Variants in SOX6 observed in about 807,000 individuals in gnomAD.
The protein encoded by SOX6 is transcription factor SOX-6.
A neutral mutation model predicts 97.8 loss-of-function variants in SOX6; 11 were observed. That is an observed-to-expected ratio of 0.11 (90% CI 0.07 to 0.19). SOX6 has a LOEUF of 0.19. Among genes scored for constraint, SOX6 ranks in the 10% least tolerant of loss-of-function variants. SOX6 has a pLI of 1.00. For missense variants in SOX6, 810 were observed against 1,039.5 expected (o/e 0.78, Z 3.04); for synonymous variants, 360 against 371.4 (o/e 0.97, Z 0.35).
intron 6 of SOX6, among the ~76,000 whole-genome samples, chr11:16,177,268 C>T (rs1257877031): frequency 6.6e-6 from 1 of 151,864 alleles, no homozygotes; most frequent in African/African-American, 2.4e-5. Flanking sequence ...ATCATGATGA[C>T]GTTTTCGAGT....
intron 6 of SOX6, among the ~76,000 whole-genome samples, chr11:16,131,607 T>C (rs1162424982): frequency 2.0e-5 from 3 of 151,714 alleles, no homozygotes; most frequent in Non-Finnish European, 4.4e-5. Flanking sequence ...ACAAGAAAAA[T>C]GAAAACATAT....
chr11:16,443,758 T>C (rs957468443), intron 1 of SOX6, among the ~76,000 whole-genome samples: 1 of 152,100 alleles, frequency 6.6e-6, no homozygotes, highest in Admixed American at 6.6e-5. Flanking sequence ...ATCATGCCTG[T>C]AATCCTAACA....
intron 4 of SOX6, among the ~76,000 whole-genome samples, chr11:16,513,951 C>G (rs1860920161): frequency 6.6e-6 from 1 of 151,882 alleles, no homozygotes; most frequent in Non-Finnish European, 1.5e-5. Context: ...GGGATTACAC[C>G]TGTAATCCCA....
intron 3 of SOX6, among the ~76,000 whole-genome samples, chr11:16,266,441 C>CA (rs998977435): frequency 1.3e-5 from 2 of 150,678 alleles, no homozygotes; most frequent in African/African-American, 2.4e-5. Flanking sequence ...ATCCATCAAG[C>CA]AAAAAAATTA....
intron 3 of SOX6, among the ~76,000 whole-genome samples, chr11:16,707,497 T>C (rs950381401): frequency 6.6e-6 from 1 of 152,174 alleles, no homozygotes; most frequent in African/African-American, 2.4e-5. Flanking sequence ...AATTGTACCT[T>C]AGTTTCTTAT....
chr11:16,490,638 G>T (rs1281821563), intron 4 of SOX6, among the ~76,000 whole-genome samples: 1 of 151,880 alleles, frequency 6.6e-6, no homozygotes, highest in Non-Finnish European at 1.5e-5. Flanking sequence ...TGATTAAAAA[G>T]TCAATTCATC....
intron 9 of SOX6, among the ~76,000 whole-genome samples, chr11:16,093,318 G>C (rs1848730332): frequency 6.6e-6 from 1 of 151,942 alleles, no homozygotes; most frequent in Admixed American, 6.6e-5. Context: ...CTGAGGCAGA[G>C]AAAACCATGC....
Position 15,969,516 on chromosome 11 carries a change from T to C in SOX6, c.*3293A>G, listed in dbSNP as rs1371260882. 6.6e-6 allele frequency: 1 copy of C among 152,216 alleles called. No individual in the cohort carries two copies. Among genetic ancestry groups the C allele is most frequent in the Non-Finnish European group, 1.5e-5 (1 of 68,032 alleles). 9.4% of individuals were successfully genotyped at this position (152,216 alleles called of 1,614,324 possible). A position where few individuals can be genotyped will look rare whatever the true frequency, so the allele number is the denominator to read the frequency against. Reference sequence around the variant, plus strand: ...TGCATGAGAACCCTGGTGAAACGTTTTGCTGTCCCAGCTGCAGGCCAAACA... The same window carrying C: ...TGCATGAGAACCCTGGTGAAACGTTCTGCTGTCCCAGCTGCAGGCCAAACA... On this transcript the variant is annotated 3_prime_UTR_variant, in exon 16 of 16. Coordinates refer to ENST00000683767, the MANE Select transcript of SOX6 (RefSeq NM_001367873.1).
chr11:16,467,118 T>C (rs1032997236), intron 1 of SOX6, among the ~76,000 whole-genome samples: 1 of 152,088 alleles, frequency 6.6e-6, no homozygotes, highest in African/African-American at 2.4e-5. Flanking sequence ...GAATGGCTAT[T>C]ATTAAAAAGT....
intron 3 of SOX6, among the ~76,000 whole-genome samples, chr11:16,307,926 C>T (rs973587286): frequency 1.2e-4 from 18 of 152,158 alleles, no homozygotes; most frequent in African/African-American, 4.3e-4. Flanking sequence ...CCAATGCTAG[C>T]GGATGGCATA....
At chr11:16,297,212 T>G (rs1003356292) in intron 3 of SOX6, among the ~76,000 whole-genome samples, 3 of 152,134 alleles carry the variant, frequency 2.0e-5, no homozygotes, top group Non-Finnish European at 4.4e-5. Context: ...GTGATAGCTT[T>G]GTAATTGGAC....
intron 2 of SOX6, among the ~76,000 whole-genome samples, chr11:16,327,985 C>T (rs931295761): frequency 6.6e-6 from 1 of 152,124 alleles, no homozygotes; most frequent in Non-Finnish European, 1.5e-5. Context: ...TCTATTCATT[C>T]TTATAGCACC....
chr11:16,138,699 C>T (rs949393748), intron 6 of SOX6, among the ~76,000 whole-genome samples: 13 of 151,938 alleles, frequency 8.6e-5, no homozygotes, highest in Non-Finnish European at 7.4e-5. Flanking sequence ...ATCCCTCCCC[C>T]CTCCTCCCAC....
chr11:16,113,675 T>C (rs1044252681), intron 6 of SOX6, among the ~76,000 whole-genome samples: 6 of 152,246 alleles, frequency 3.9e-5, no homozygotes, highest in Middle Eastern at 3.4e-3. Context: ...GGCCCTAATA[T>C]GTACCTAAAA....
chr11:16,241,200 A>T (rs1012175759), intron 3 of SOX6, among the ~76,000 whole-genome samples: 1 of 152,066 alleles, frequency 6.6e-6, no homozygotes, highest in South Asian at 2.1e-4. Context: ...TGAATAGGTA[A>T]CAGTTTCCTA....
At chr11:16,235,816 T>C (rs1852999705) in intron 3 of SOX6, among the ~76,000 whole-genome samples, 1 of 152,088 alleles carries the variant, frequency 6.6e-6, no homozygotes, top group Non-Finnish European at 1.5e-5. Context: ...AGAAGCTAGA[T>C]AAGCTTCAGA....
At chr11:16,686,748 T>C (rs760451216) in intron 3 of SOX6, among the ~76,000 whole-genome samples, 2 of 152,238 alleles carry the variant, frequency 1.3e-5, no homozygotes, top group Non-Finnish European at 2.9e-5. Context: ...GGTAGCTTTA[T>C]AGCAAAGCCT....
chr11:16,214,150 G>T (rs1441073650), intron 4 of SOX6, among the ~76,000 whole-genome samples: 1 of 152,166 alleles, frequency 6.6e-6, no homozygotes, highest in Non-Finnish European at 1.5e-5. Flanking sequence ...TAGTTAATTT[G>T]ATTTGAATTG....
chr11:16,623,495 C>T (rs776472012), intron 3 of SOX6, among the ~76,000 whole-genome samples: 5 of 152,036 alleles, frequency 3.3e-5, no homozygotes, highest in Non-Finnish European at 5.9e-5. Context: ...TGAAGATTTT[C>T]TCCCACTCAG....
Sources: allele counts gnomAD v4.1 joint callset (sites outside exome capture counted in the v4.1 genomes callset), GRCh38; gene constraint gnomAD v4.1.1; transcripts MANE v1.5; gene names NCBI Gene and HGNC (gene_info 2026-07-23, HGNC 2026-07-21).